The following GNPTAB variants were observed in gnomAD, a reference collection of about 807,000 sequenced individuals.
The protein encoded by GNPTAB is N-acetylglucosamine-1-phosphotransferase subunits alpha/beta.
A neutral mutation model predicts 136.6 loss-of-function variants in GNPTAB; 92 were observed. The ratio of observed to expected loss-of-function variants is 0.67; its 90% CI spans 0.57 to 0.80. GNPTAB has a LOEUF of 0.80. GNPTAB is among the 30% of genes least tolerant of loss of function. The pLI is 0.00. For missense variants in GNPTAB, 1,343 were observed against 1,501.8 expected, an observed-to-expected ratio of 0.89 and a Z score of 1.75; for synonymous variants, 512 against 535.1, an observed-to-expected ratio of 0.96 and a Z score of 0.60.
intron 18 of GNPTAB, among the ~76,000 whole-genome samples, chr12:101,754,647 C>T (rs934734020): frequency 6.6e-6 from 1 of 151,940 alleles, no homozygotes; most frequent in Non-Finnish European, 1.5e-5. Flanking sequence ...TTGCTTGTTT[C>T]AAGTTCCTTT....
rs1594270389 is a variant in GNPTAB, at chr12:101,830,924, G to A, written c.-249C>T. 1 of 148,494 alleles carries A rather than the reference G, an allele frequency of 6.7e-6. No individual in the cohort carries two copies. Among genetic ancestry groups the A allele is most frequent in the Non-Finnish European group, 1.5e-5 (1 of 66,730 alleles). 9.2% of individuals were successfully genotyped at this position (148,494 alleles called of 1,614,324 possible). On this transcript the variant is annotated 5_prime_UTR_variant, in exon 1 of 21. Transcript: ENST00000299314. Reference sequence around the variant, plus strand: ...GGACCTGCGGCCGGCGAGGCGGCCGGCGCCGCCCGGGTCTGGCCGGGCGAG... The same window carrying A: ...GGACCTGCGGCCGGCGAGGCGGCCGACGCCGCCCGGGTCTGGCCGGGCGAG...
chr12:101,780,251 C>T lies in GNPTAB; in HGVS notation c.672G>A (p.Met224Ile). 6.2e-7 allele frequency: 1 copy of T among 1,613,714 alleles called. No homozygotes were observed. The highest frequency in any genetic ancestry group is 8.5e-7 in the Non-Finnish European group (1 of 1,179,614). The change falls in exon 7 of 21, where the codon ATG (methionine) becomes ATA (isoleucine). Residue 224 changes from methionine (M) to isoleucine (I), a missense_variant. Met to Ile is a conservative substitution (Grantham distance 10). Transcript: ENST00000299314. ...TDKEVPGLVL[M>I]QDLAFLSGFP... ...ATCCACTCAGGAAAGCCAAATCTTGCATTAGCACTAATCCAGGGACTTCTT... is the reference window on the plus strand; with the variant it reads ...ATCCACTCAGGAAAGCCAAATCTTGTATTAGCACTAATCCAGGGACTTCTT...
intron 1 of GNPTAB, among the ~76,000 whole-genome samples, chr12:101,818,691 T>A (rs978592123): frequency 3.3e-5 from 5 of 152,148 alleles, no homozygotes; most frequent in Non-Finnish European, 7.4e-5. Flanking sequence ...GTGTCTTTAG[T>A]CAACAGTAGA....
chr12:101,749,971 A>G (rs1278432909), intron 19 of GNPTAB, among the ~76,000 whole-genome samples: 2 of 152,236 alleles, frequency 1.3e-5, no homozygotes, highest in African/African-American at 2.4e-5. Context: ...TAATCAGGGT[A>G]AACATGTTGG....
chr12:101,768,630 G>C (rs1328880652), intron 10 of GNPTAB, among the ~76,000 whole-genome samples: 1 of 152,076 alleles, frequency 6.6e-6, no homozygotes, highest in Non-Finnish European at 1.5e-5. Flanking sequence ...TCAAGCTTAA[G>C]GCCCTGTGAT....
intron 18 of GNPTAB, among the ~76,000 whole-genome samples, chr12:101,755,063 CAT>C (rs748139245): frequency 1.2e-4 from 18 of 152,128 alleles, no homozygotes; most frequent in East Asian, 3.9e-4. Context: ...ATTAAGGAAT[CAT>C]TATTGATTTT....
chr12:101,811,376 AT>A (rs1566097295), intron 1 of GNPTAB, among the ~76,000 whole-genome samples: 59 of 124,136 alleles, frequency 4.8e-4, no homozygotes, highest in Non-Finnish European at 3.5e-4. Context: ...ATTTCACATA[AT>A]TTTTTCTTTT....
chr12:101,805,385 G>T (rs879755949), intron 1 of GNPTAB, among the ~76,000 whole-genome samples: 2 of 152,138 alleles, frequency 1.3e-5, no homozygotes, highest in Non-Finnish European at 2.9e-5. Context: ...AAGGTGAAAA[G>T]AATGTTTTTG....
intron 1 of GNPTAB, among the ~76,000 whole-genome samples, chr12:101,799,419 A>G (rs999857258): frequency 6.6e-6 from 1 of 152,250 alleles, no homozygotes; most frequent in Non-Finnish European, 1.5e-5. Flanking sequence ...CTGCCTGAAC[A>G]TGTTTTTAAT....
At chr12:101,822,343 G>C (rs926988256) in intron 1 of GNPTAB, among the ~76,000 whole-genome samples, 9 of 152,180 alleles carry the variant, frequency 5.9e-5, no homozygotes, top group Non-Finnish European at 1.2e-4. Flanking sequence ...AACCCCGGGG[G>C]GCGGAGCCTG....
At chr12:101,775,568 T>C (rs1953251714) in intron 7 of GNPTAB, among the ~76,000 whole-genome samples, 1 of 152,004 alleles carries the variant, frequency 6.6e-6, no homozygotes. Flanking sequence ...TTTCACCATG[T>C]TGGCCAGGAT....
At chr12:101,766,327 T>G in intron 11 of GNPTAB, 33 bp from the exon 12 acceptor site, 1 of 1,580,296 alleles carries the variant, frequency 6.3e-7, no homozygotes, top group East Asian at 2.2e-5. Flanking sequence ...GGATTCTTGC[T>G]GTAATTACAA....
At chr12:101,770,949 A>C in intron 8 of GNPTAB, 47 bp downstream of exon 8, 1 of 1,564,074 alleles carries the variant, frequency 6.4e-7, no homozygotes, top group Non-Finnish European at 8.8e-7. Context: ...CATTTTTAAC[A>C]TCTTAACCTT....
intron 12 of GNPTAB, 155 bp downstream of exon 12, chr12:101,765,936 G>A: frequency 1.4e-6 from 1 of 712,422 alleles, no homozygotes; most frequent in Non-Finnish European, 2.5e-6. Flanking sequence ...AGTGATTTAT[G>A]TTGTTCTCTT....
At chr12:101,805,399 T>C (rs1869879412) in intron 1 of GNPTAB, among the ~76,000 whole-genome samples, 1 of 152,196 alleles carries the variant, frequency 6.6e-6, no homozygotes, top group African/African-American at 2.4e-5. Context: ...GTTTTTGTTT[T>C]TGTTTTGAGA....
chr12:101,776,956 C>T (rs1953270536), intron 7 of GNPTAB, among the ~76,000 whole-genome samples: 1 of 152,128 alleles, frequency 6.6e-6, no homozygotes, highest in South Asian at 2.1e-4. Flanking sequence ...GTCTAACAGC[C>T]CTCTCCTCTG....
intron 16 of GNPTAB, among the ~76,000 whole-genome samples, chr12:101,758,286 G>A (rs539336637): frequency 9.9e-5 from 15 of 151,930 alleles, no homozygotes; most frequent in African/African-American, 2.7e-4. Flanking sequence ...TGATCCGCCC[G>A]CCTTGGCCTC....
intron 3 of GNPTAB, among the ~76,000 whole-genome samples, chr12:101,789,588 G>A (rs1868862440): frequency 6.6e-6 from 1 of 152,164 alleles, no homozygotes. Context: ...GAGCTCAAAT[G>A]ATTCTCCCGC....
chr12:101,786,181 A>G lies in GNPTAB; in HGVS notation c.402T>C (p.Ile134=), dbSNP rs1320194990. 1.2e-6 allele frequency: 2 copies of G among 1,613,948 alleles called. No homozygotes were observed. The highest frequency in any genetic ancestry group is 2.7e-5 in the African/African-American group (2 of 75,038). ...GGTCCAGGACAAGCATTGGCACCTTAATGCAGTGTGTTAGCAAACACTCTA... is the reference window on the plus strand; with the variant it reads ...GGTCCAGGACAAGCATTGGCACCTTGATGCAGTGTGTTAGCAAACACTCTA... The part of the protein sequence containing the change: ...KQLECLLTHC[I]KVPMLVLDPA... The change falls in exon 5 of 21, where the codon ATT becomes ATC. Residue 134 remains isoleucine (I), a synonymous_variant. Transcript: ENST00000299314.
Sources: allele counts gnomAD v4.1 joint callset (sites outside exome capture counted in the v4.1 genomes callset), GRCh38; gene constraint gnomAD v4.1.1; transcripts MANE v1.5; gene names NCBI Gene and HGNC (gene_info 2026-07-23, HGNC 2026-07-21).